SPTLC1: variants seen among roughly 807,000 people sequenced by gnomAD.
SPTLC1 encodes the protein serine palmitoyltransferase 1.
Under a neutral mutation model 68.9 loss-of-function variants are expected in SPTLC1, and 55 were observed. That is an observed-to-expected ratio of 0.80 (90% CI 0.64 to 1.00). The LOEUF (loss-of-function observed/expected upper bound fraction) is 1.00, where lower values mean the gene tolerates loss of function less well. SPTLC1 is among the 50% of genes least tolerant of loss of function. The probability of loss-of-function intolerance (pLI) is 0.00; values close to 1 mark genes in which losing one functional copy is unlikely to be tolerated. For synonymous variants in SPTLC1, 197 were observed against 201.6 expected (o/e 0.98, Z 0.19); for missense variants, 449 against 573.1 (o/e 0.78, Z 2.21).
intron 3 of SPTLC1, among the ~76,000 whole-genome samples, chr9:92,103,954 C>T (rs1019255798): frequency 1.3e-5 from 2 of 152,208 alleles, no homozygotes; most frequent in Non-Finnish European, 2.9e-5. Context: ...AGGAGCAGGA[C>T]GTCCCTGAGG....
intron 8 of SPTLC1, chr9:92,050,453 G>A: frequency 3.6e-6 from 1 of 275,000 alleles, no homozygotes; most frequent in South Asian, 3.9e-5. Context: ...CAAGTGTCAT[G>A]CTAAAGTGCC....
At chr9:92,067,800 A>T (rs1587939143) in intron 6 of SPTLC1, among the ~76,000 whole-genome samples, 166 bp downstream of exon 6, 1 of 152,198 alleles carries the variant, frequency 6.6e-6, no homozygotes, top group Non-Finnish European at 1.5e-5. Flanking sequence ...AGCATCTTTT[A>T]AGTGAAGGTT....
At chr9:92,104,318 C>G in intron 3 of SPTLC1, 1 of 1,394,920 alleles carries the variant, frequency 7.2e-7, no homozygotes, top group Non-Finnish European at 9.3e-7. Context: ...CACCCCGCGG[C>G]TCCTGCACCT....
chr9:92,098,247 C>T (rs533510432), intron 3 of SPTLC1, among the ~76,000 whole-genome samples: 2 of 152,176 alleles, frequency 1.3e-5, no homozygotes, highest in Non-Finnish European at 2.9e-5. Context: ...CGGACCAACG[C>T]GCATGCCCAC....
At chr9:92,058,600 TGTTA>T (rs1833972996) in intron 7 of SPTLC1, among the ~76,000 whole-genome samples, 1 of 152,146 alleles carries the variant, frequency 6.6e-6, no homozygotes, top group Non-Finnish European at 1.5e-5. Flanking sequence ...ACCTGGGTTA[TGTTA>T]GGTTCTCGAG....
intron 13 of SPTLC1, among the ~76,000 whole-genome samples, chr9:92,036,734 T>C (rs1833152845): frequency 6.6e-6 from 1 of 152,278 alleles, no homozygotes; most frequent in Non-Finnish European, 1.5e-5. Context: ...TAGTTTGTAT[T>C]TAATGTATAA....
intron 3 of SPTLC1, among the ~76,000 whole-genome samples, chr9:92,098,183 C>A (rs1318227809): frequency 3.9e-5 from 6 of 152,166 alleles, no homozygotes; most frequent in African/African-American, 1.4e-4. Flanking sequence ...CTGACAGCCA[C>A]ATCGGGTACC....
intron 5 of SPTLC1, among the ~76,000 whole-genome samples, chr9:92,073,890 T>C (rs577633206): frequency 1.3e-5 from 2 of 152,306 alleles, no homozygotes; most frequent in South Asian, 4.1e-4. Flanking sequence ...CTCTGGGACC[T>C]TGCTTCAAAT....
intron 12 of SPTLC1, among the ~76,000 whole-genome samples, chr9:92,045,019 A>C (rs1368868453): frequency 6.6e-6 from 1 of 152,236 alleles, no homozygotes; most frequent in Non-Finnish European, 1.5e-5. Flanking sequence ...TTGGCATATT[A>C]ATATTTCACA....
Position 92,055,389 on chromosome 9 carries a change from G to A in SPTLC1, c.780+16C>T, listed in dbSNP as rs1833851934. ...TAGTCCAAATATTAAAATTACAGCT[G>A]AACATGGTTGCTTACCAATTCTGGA... On this transcript the variant is annotated intron_variant, in intron 8 of 14. Coordinates refer to ENST00000262554, the MANE Select transcript of SPTLC1 (RefSeq NM_006415.4). 2 of 1,612,616 alleles carry A rather than the reference G, an allele frequency of 1.2e-6. No homozygotes were observed. Among genetic ancestry groups the A allele is most frequent in the East Asian group, 4.5e-5 (2 of 44,882 alleles).
chr9:92,038,055 T>C (rs1018710474), intron 13 of SPTLC1, among the ~76,000 whole-genome samples, 193 bp downstream of exon 13: 5 of 152,198 alleles, frequency 3.3e-5, no homozygotes, highest in African/African-American at 1.2e-4. Flanking sequence ...CTGCTGCCTG[T>C]TACCATGGCC....
At position 92,042,166 on chromosome 9, in the gene SPTLC1, T is replaced by A. The variant is rs566282684; in HGVS notation, c.1137-3801A>T. ...ATAAAAGCTACTCACCAAAAACCCA[T>A]AGCATGATGTTTTATACTTAATGAA... On this transcript the variant is annotated intron_variant, in intron 12 of 14. Transcript: ENST00000262554. Among the ~76,000 whole-genome samples, 6 of 152,190 alleles carry A rather than the reference T, an allele frequency of 3.9e-5. No individual in the cohort carries two copies. The East Asian group carries it at 1.2e-3, about 29-fold the overall frequency.
In SPTLC1 at chr9:92,085,897, C is replaced by G. The variant is rs1401449750; in HGVS notation, c.261-4934G>C. On this transcript the variant is annotated intron_variant, in intron 3 of 14. Coordinates refer to ENST00000262554, the MANE Select transcript of SPTLC1 (RefSeq NM_006415.4). ...AGTCTAAGTCTCTTTGTAGGTCACT[C>G]AGGACTTGCTTTATGATTCTGGGTG... is the stretch of plus-strand genomic sequence containing the variant. Among the ~76,000 whole-genome samples, 8 of 151,960 alleles carry G rather than the reference C, an allele frequency of 5.3e-5. No homozygotes were observed. The East Asian group carries it at 1.4e-3, about 26-fold the overall frequency.
intron 12 of SPTLC1, among the ~76,000 whole-genome samples, chr9:92,039,789 C>G (rs1342414760): frequency 1.3e-5 from 2 of 152,172 alleles, no homozygotes; most frequent in African/African-American, 4.8e-5. Flanking sequence ...TCTGGAAACT[C>G]ATCTGACCTG....
Position 92,063,894 on chromosome 9 carries a change from G to A in SPTLC1, c.560+4072C>T, listed in dbSNP as rs552990450. On this transcript the variant is annotated intron_variant, in intron 6 of 14. Transcript: ENST00000262554. ...AAGAGCATCTGTAAGAAATCTGCAC[G>A]TAACATTATACTTATTGGTGAAAGA... 5.9e-5 allele frequency among the ~76,000 whole-genome samples: 9 copies of A among 152,222 alleles called. No individual in the cohort carries two copies. The East Asian group carries it at 9.6e-4, about 16-fold the overall frequency.
At position 92,090,603 on chromosome 9, in the gene SPTLC1, C is replaced by A. The variant is rs184582885; in HGVS notation, c.261-9640G>T. 2.8e-5 allele frequency among the ~76,000 whole-genome samples: 4 copies of A among 143,488 alleles called. No individual in the cohort carries two copies. In the East Asian group the frequency reaches 6.2e-4, roughly 22 times the overall value. The allele number at this position is 143,488 out of a possible 152,430, so 94.1% of individuals were successfully genotyped here. On this transcript the variant is annotated intron_variant, in intron 3 of 14. Coordinates refer to ENST00000262554, the MANE Select transcript of SPTLC1 (RefSeq NM_006415.4). ...TTCCAGCCTGGGCAACAGAGTGAGA[C>A]CCTGTCTCAAAAAACAAACAAAAAA...
At chr9:92,073,278 T>G (rs1350612382) in intron 5 of SPTLC1, among the ~76,000 whole-genome samples, 4 of 152,198 alleles carry the variant, frequency 2.6e-5, no homozygotes, top group Admixed American at 1.3e-4. Context: ...ATAATCCCAC[T>G]TGGAATGACT....
At chr9:92,045,546 A>C (rs1000572332) in intron 12 of SPTLC1, among the ~76,000 whole-genome samples, 8 of 146,474 alleles carry the variant, frequency 5.5e-5, no homozygotes, top group South Asian at 4.2e-4. Context: ...AAAAAAAAAA[A>C]AAAAAACACT....
At chr9:92,046,607 C>T (rs1208015327) in intron 11 of SPTLC1, among the ~76,000 whole-genome samples, 1 of 152,150 alleles carries the variant, frequency 6.6e-6, no homozygotes, top group South Asian at 2.1e-4. Context: ...CGGGTAGGGC[C>T]TGCTGCTCCC....
Sources: allele counts gnomAD v4.1 joint callset (sites outside exome capture counted in the v4.1 genomes callset), GRCh38; gene constraint gnomAD v4.1.1; transcripts MANE v1.5; gene names NCBI Gene and HGNC (gene_info 2026-07-23, HGNC 2026-07-21).